Variants in CAB39L observed in about 807,000 individuals in gnomAD.
CAB39L encodes the protein calcium-binding protein 39-like.
In CAB39L, 23 loss-of-function variants were observed where a neutral mutation model predicts 39.1. The ratio of observed to expected loss-of-function variants is 0.59; its 90% confidence interval spans 0.42 to 0.83. The LOEUF (loss-of-function observed/expected upper bound fraction) is 0.83, where lower values mean the gene tolerates loss of function less well. Ranked by LOEUF, CAB39L falls within the 40% of genes least tolerant of loss-of-function variation. The pLI is 0.00. For synonymous variants in CAB39L, 126 were observed against 137.2 expected (o/e 0.92, Z 0.57); for missense variants, 366 against 391.9 (o/e 0.93, Z 0.56).
At chr13:49,336,197 G>A (rs772111439) in intron 9 of CAB39L, among the ~76,000 whole-genome samples, 5 of 149,634 alleles carry the variant, frequency 3.3e-5, no homozygotes, top group African/African-American at 4.9e-5. Context: ...TTTCACAGTC[G>A]TCTACCTTTT....
chr13:49,418,768 C>T (rs1594084552), intron 3 of CAB39L, among the ~76,000 whole-genome samples: 3 of 152,056 alleles, frequency 2.0e-5, no homozygotes, highest in East Asian at 3.9e-4. Flanking sequence ...ACCATGTTGG[C>T]CAGGCTGGTC....
At chr13:49,403,362 A>G (rs1483432099) in intron 3 of CAB39L, among the ~76,000 whole-genome samples, 1 of 152,118 alleles carries the variant, frequency 6.6e-6, no homozygotes, top group African/African-American at 2.4e-5. Flanking sequence ...ACTGCAACCC[A>G]GAGTAAAATT....
At chr13:49,396,211 G>C (rs1230541117) in intron 3 of CAB39L, among the ~76,000 whole-genome samples, 1 of 151,950 alleles carries the variant, frequency 6.6e-6, no homozygotes, top group African/African-American at 2.4e-5. Flanking sequence ...CATTTCCAGA[G>C]GTATAACCAA....
chr13:49,442,799 A>AAAC (rs1555268521), intron 1 of CAB39L, among the ~76,000 whole-genome samples: 5 of 132,926 alleles, frequency 3.8e-5, no homozygotes, highest in African/African-American at 1.5e-4. Context: ...AAAAAAAAAA[A>AAAC]AAAAAAAAAA....
intron 3 of CAB39L, among the ~76,000 whole-genome samples, chr13:49,416,159 T>A (rs1384410455): frequency 6.6e-6 from 1 of 152,222 alleles, no homozygotes; most frequent in African/African-American, 2.4e-5. Flanking sequence ...TCACTGTTCA[T>A]GGATGGGGAG....
chr13:49,399,207 T>A (rs1956711980), intron 3 of CAB39L, among the ~76,000 whole-genome samples: 1 of 152,112 alleles, frequency 6.6e-6, no homozygotes, highest in African/African-American at 2.4e-5. Context: ...CACACTGGGC[T>A]AGACCCTTAG....
rs1223505426 is a variant in CAB39L, at chr13:49,377,140, CA to C, written c.112-10del. 1 of 1,609,850 alleles carries C rather than the reference CA, an allele frequency of 6.2e-7. No homozygotes were observed. Among genetic ancestry groups the C allele is most frequent in the Non-Finnish European group, 8.5e-7 (1 of 1,177,280 alleles). On this transcript the variant is annotated splice_polypyrimidine_tract_variant and intron_variant, in intron 4 of 10. Coordinates refer to ENST00000409308, the MANE Select transcript of CAB39L (RefSeq NM_001079670.3). ...GACACTTCTTCTGAAGCCTAGTGAC[CA>C]AAACGTATGCTAACGGTTAAAAGAA...
intron 10 of CAB39L, among the ~76,000 whole-genome samples, chr13:49,323,468 C>T (rs547868953): frequency 2.0e-5 from 3 of 152,300 alleles, no homozygotes; most frequent in East Asian, 3.9e-4. Context: ...TTATTCTTCC[C>T]GGAGGCCTTC....
chr13:49,335,458 A>T (rs1012457469), intron 9 of CAB39L, among the ~76,000 whole-genome samples: 1 of 152,234 alleles, frequency 6.6e-6, no homozygotes, highest in Non-Finnish European at 1.5e-5. Context: ...ATTAAATGTT[A>T]ATCTATTTTA....
intron 3 of CAB39L, among the ~76,000 whole-genome samples, chr13:49,418,886 T>C (rs575383555): frequency 1.3e-5 from 2 of 152,290 alleles, no homozygotes; most frequent in Admixed American, 6.5e-5. Context: ...AAAAGCATCA[T>C]TTTGCCATGT....
intron 10 of CAB39L, among the ~76,000 whole-genome samples, chr13:49,321,183 T>C (rs1954327930): frequency 6.6e-6 from 1 of 152,212 alleles, no homozygotes; most frequent in Non-Finnish European, 1.5e-5. Context: ...ATAACCCCTG[T>C]GAATATCTGG....
At chr13:49,362,155 G>A (rs1423141047) in intron 5 of CAB39L, among the ~76,000 whole-genome samples, 1 of 151,762 alleles carries the variant, frequency 6.6e-6, no homozygotes, top group Non-Finnish European at 1.5e-5. Context: ...AAGGATTATT[G>A]AGATTGCCTA....
At chr13:49,359,980 T>C (rs1955589385) in intron 5 of CAB39L, 148 bp from the exon 6 acceptor site, 6 of 562,908 alleles carry the variant, frequency 1.1e-5, no homozygotes, top group Non-Finnish European at 1.9e-5. Flanking sequence ...ACTCTTCCCA[T>C]AGACCCCTAA....
In CAB39L at chr13:49,346,100, GATAT is replaced by G. The variant is rs370368670; in HGVS notation, c.565-1866_565-1863del. The stretch of plus-strand genomic sequence containing the variant: ...GATATATATATATATATATATGCTA[GATAT>G]ATATATATATATATATATATCATGG... On this transcript the variant is annotated intron_variant, in intron 7 of 10. Transcript: ENST00000409308. Among the ~76,000 whole-genome samples, 7 of 30,922 alleles carry G rather than the reference GATAT, an allele frequency of 2.3e-4. 1 individual carries two copies. Among genetic ancestry groups the G allele is most frequent in the South Asian group, 1.9e-3 (2 of 1,026 alleles). 20.3% of individuals were successfully genotyped at this position (30,922 alleles called of 152,430 possible).
chr13:49,330,612 G>A (rs896222266), intron 10 of CAB39L, among the ~76,000 whole-genome samples: 7 of 151,830 alleles, frequency 4.6e-5, no homozygotes, highest in African/African-American at 1.2e-4. Context: ...GCAACAGAGC[G>A]AGACCCTGTC....
intron 3 of CAB39L, among the ~76,000 whole-genome samples, chr13:49,411,421 A>AG (rs1956987967): frequency 6.6e-6 from 1 of 151,320 alleles, no homozygotes; most frequent in Admixed American, 6.6e-5. Flanking sequence ...AAAAAAAAAA[A>AG]AAAAAAGAAA....
At chr13:49,443,912 C>G (rs1278381301) in intron 1 of CAB39L, 74 bp downstream of exon 1, 1 of 456,664 alleles carries the variant, frequency 2.2e-6, no homozygotes, top group African/African-American at 2.0e-5. Flanking sequence ...CCACTACGGC[C>G]AGGCGCTATG....
At chr13:49,346,094 ATG>A (rs1555254553) in intron 7 of CAB39L, among the ~76,000 whole-genome samples, 1 of 38,558 alleles carries the variant, frequency 2.6e-5, no homozygotes, top group African/African-American at 8.7e-5. Flanking sequence ...ATATATATAT[ATG>A]CTAGATATAT....
intron 3 of CAB39L, among the ~76,000 whole-genome samples, chr13:49,421,872 C>T (rs2138711981): frequency 6.6e-6 from 1 of 152,238 alleles, no homozygotes; most frequent in Non-Finnish European, 1.5e-5. Flanking sequence ...TGCTAAAACA[C>T]AGATTTAAGT....
Sources: gnomAD v4.1 joint callset for allele counts (sites outside exome capture counted in the v4.1 genomes callset) on GRCh38, gnomAD v4.1.1 for gene constraint, MANE v1.5 for transcripts, NCBI Gene and HGNC (gene_info 2026-07-23, HGNC 2026-07-21) for gene names.